ACOXL: variants seen among roughly 807,000 people sequenced by gnomAD.
The protein encoded by ACOXL is acyl-CoA oxidase like, also known as acyl-coenzyme A oxidase-like protein.
In ACOXL, 70 loss-of-function variants were observed where a neutral mutation model predicts 71.9. The observed-to-expected ratio is 0.97, with a 90% CI of 0.80 to 1.19. The LOEUF (loss-of-function observed/expected upper bound fraction) is 1.19. Among genes scored for constraint, ACOXL ranks in the 50% most tolerant of loss-of-function variants. The probability of loss-of-function intolerance (pLI) is 0.00; values close to 1 mark genes in which losing one functional copy is unlikely to be tolerated. For missense variants in ACOXL, 703 were observed against 736.3 expected (o/e 0.95, Z 0.52); for synonymous variants, 253 against 281.6 (o/e 0.90, Z 1.02).
intron 12 of ACOXL, among the ~76,000 whole-genome samples, chr2:110,983,425 C>CT (rs2062801243): frequency 6.6e-6 from 1 of 152,202 alleles, no homozygotes; most frequent in African/African-American, 2.4e-5. Context: ...CAAATGTTGG[C>CT]TGTAGATTTG....
At chr2:110,778,145 T>C (rs1403833677) in intron 2 of ACOXL, among the ~76,000 whole-genome samples, 1 of 152,250 alleles carries the variant, frequency 6.6e-6, no homozygotes, top group Non-Finnish European at 1.5e-5. Flanking sequence ...CTTTGGTTCC[T>C]GGCACGGGGG....
At chr2:110,748,592 T>C (rs1297382306) in intron 1 of ACOXL, among the ~76,000 whole-genome samples, 1 of 152,186 alleles carries the variant, frequency 6.6e-6, no homozygotes, top group African/African-American at 2.4e-5. Flanking sequence ...GAGCTTGCAG[T>C]GTTTGCCAGT....
chr2:110,765,830 C>T (rs2104954834), intron 1 of ACOXL, among the ~76,000 whole-genome samples: 1 of 152,300 alleles, frequency 6.6e-6, no homozygotes, highest in East Asian at 1.9e-4. Flanking sequence ...TGATTAGGAT[C>T]CAACATATAC....
chr2:110,838,341 A>C (rs1690711202), intron 9 of ACOXL, among the ~76,000 whole-genome samples: 1 of 152,050 alleles, frequency 6.6e-6, no homozygotes, highest in African/African-American at 2.4e-5. Flanking sequence ...TGCAGTGTAC[A>C]TGTGCTGTGT....
intron 16 of ACOXL, among the ~76,000 whole-genome samples, chr2:111,077,196 G>A (rs933256915): frequency 6.6e-6 from 1 of 152,124 alleles, no homozygotes; most frequent in Non-Finnish European, 1.5e-5. Context: ...TCATTTAAAA[G>A]AAATTTAACT....
chr2:110,878,430 A>G (rs535261868), intron 10 of ACOXL, among the ~76,000 whole-genome samples: 1 of 152,338 alleles, frequency 6.6e-6, no homozygotes, highest in African/African-American at 2.4e-5. Flanking sequence ...GTAGGAAAGA[A>G]TGAACAGCTT....
intron 14 of ACOXL, 126 bp from the exon 15 acceptor site, chr2:111,031,501 A>G (rs1260583621): frequency 1.3e-6 from 1 of 760,536 alleles, no homozygotes; most frequent in Non-Finnish European, 2.2e-6. Context: ...AGCCTACAGA[A>G]GGTTCTGCAC....
chr2:110,953,838 C>CG (rs1277251204), intron 12 of ACOXL, among the ~76,000 whole-genome samples: 1 of 151,976 alleles, frequency 6.6e-6, no homozygotes, highest in African/African-American at 2.4e-5. Context: ...AGAGAGAAGT[C>CG]GGGGGGAGCC....
At chr2:110,993,230 T>C (rs1347280685) in intron 13 of ACOXL, among the ~76,000 whole-genome samples, 1 of 152,230 alleles carries the variant, frequency 6.6e-6, no homozygotes, top group African/African-American at 2.4e-5. Flanking sequence ...CATAAACCTA[T>C]GTAACCAAAC....
chr2:110,953,868 G>T (rs1398496005), intron 12 of ACOXL, among the ~76,000 whole-genome samples: 1 of 152,164 alleles, frequency 6.6e-6, no homozygotes, highest in African/African-American at 2.4e-5. Flanking sequence ...TAAATGATCA[G>T]ATCTCGTGAG....
chr2:110,895,790 T>C (rs1237227936), intron 10 of ACOXL, among the ~76,000 whole-genome samples: 1 of 152,168 alleles, frequency 6.6e-6, no homozygotes, highest in Non-Finnish European at 1.5e-5. Flanking sequence ...GCCAGAATTC[T>C]ATATCCAGTA....
intron 16 of ACOXL, among the ~76,000 whole-genome samples, chr2:111,050,704 G>A (rs2066248191): frequency 6.6e-6 from 1 of 152,184 alleles, no homozygotes; most frequent in African/African-American, 2.4e-5. Flanking sequence ...GCATCTCAGA[G>A]GCATTTTGGG....
chr2:111,096,636 G>T (rs756305245), intron 17 of ACOXL, among the ~76,000 whole-genome samples: 3 of 152,048 alleles, frequency 2.0e-5, no homozygotes, highest in Non-Finnish European at 4.4e-5. Flanking sequence ...ATAGTCTGTA[G>T]CTAATAATTC....
At chr2:110,957,498 C>T (rs537801337) in intron 12 of ACOXL, among the ~76,000 whole-genome samples, 2 of 152,268 alleles carry the variant, frequency 1.3e-5, no homozygotes, top group African/African-American at 2.4e-5. Flanking sequence ...TCTCACAACT[C>T]GAGCTGGAAG....
At chr2:110,921,391 C>A (rs916668350) in intron 11 of ACOXL, among the ~76,000 whole-genome samples, 9 of 113,434 alleles carry the variant, frequency 7.9e-5, no homozygotes, top group South Asian at 7.1e-4. Flanking sequence ...TATATCCACC[C>A]CCCCCCCCCT....
intron 9 of ACOXL, among the ~76,000 whole-genome samples, chr2:110,816,240 A>G (rs966730922): frequency 8.5e-5 from 13 of 152,064 alleles, no homozygotes; most frequent in African/African-American, 2.9e-4. Context: ...GGATGGATGG[A>G]TGAATGGATG....
At chr2:110,780,981 G>T (rs1447420937) in intron 2 of ACOXL, among the ~76,000 whole-genome samples, 6 of 152,010 alleles carry the variant, frequency 3.9e-5, no homozygotes, top group Non-Finnish European at 7.4e-5. Context: ...AGTGAGCTAC[G>T]ATCACACCAC....
At chr2:111,111,674 T>C (rs1311011635) in intron 17 of ACOXL, among the ~76,000 whole-genome samples, 1 of 152,250 alleles carries the variant, frequency 6.6e-6, no homozygotes, top group Non-Finnish European at 1.5e-5. Context: ...TGGTTAATGT[T>C]GATGCCTCTG....
At chr2:111,026,757 G>A (rs1274437710) in intron 14 of ACOXL, among the ~76,000 whole-genome samples, 1 of 152,142 alleles carries the variant, frequency 6.6e-6, no homozygotes, top group Non-Finnish European at 1.5e-5. Flanking sequence ...CTTGGATCAT[G>A]TGCAGGAAGG....
Sources: allele counts gnomAD v4.1 joint callset (sites outside exome capture counted in the v4.1 genomes callset), GRCh38; gene constraint gnomAD v4.1.1; transcripts MANE v1.5; gene names NCBI Gene and HGNC (gene_info 2026-07-23, HGNC 2026-07-21).